The following DLG2 variants were observed in gnomAD, a reference collection of about 807,000 sequenced individuals.
The protein encoded by DLG2 is discs large MAGUK scaffold protein 2, also known as disks large homolog 2.
A neutral mutation model predicts 132.5 loss-of-function variants in DLG2; 45 were observed. The ratio of observed to expected loss-of-function variants is 0.34; its 90% CI spans 0.27 to 0.44. The LOEUF is 0.44. DLG2 is among the 20% of genes least tolerant of loss of function. DLG2 has a pLI of 1.00. For synonymous variants in DLG2, 424 were observed against 419.6 expected (o/e 1.01, Z -0.13); for missense variants, 1,045 against 1,196.9 (o/e 0.87, Z 1.87).
At chr11:83,507,691 A>T (rs1168699547) in intron 21 of DLG2, among the ~76,000 whole-genome samples, 3 of 144,042 alleles carry the variant, frequency 2.1e-5, no homozygotes, top group African/African-American at 7.6e-5. Flanking sequence ...TGATGGTGGC[A>T]CTAATCTCCA....
At chr11:83,780,900 T>C (rs1011355424) in intron 18 of DLG2, among the ~76,000 whole-genome samples, 6 of 152,088 alleles carry the variant, frequency 3.9e-5, no homozygotes, top group African/African-American at 1.4e-4. Flanking sequence ...AACCCAACAG[T>C]GACAAGTGAC....
intron 19 of DLG2, among the ~76,000 whole-genome samples, chr11:83,576,307 A>G (rs2096873094): frequency 6.6e-6 from 1 of 152,174 alleles, no homozygotes; most frequent in Admixed American, 6.6e-5. Context: ...ATAGACCTCT[A>G]ATTGGAGTTT....
At chr11:83,914,195 T>C (rs1283762764) in intron 15 of DLG2, among the ~76,000 whole-genome samples, 2 of 152,060 alleles carry the variant, frequency 1.3e-5, no homozygotes, top group African/African-American at 2.4e-5. Context: ...TGGGGTCATT[T>C]TTGGGAGACT....
chr11:84,426,958 C>G, intron 7 of DLG2, among the ~76,000 whole-genome samples: 1 of 152,054 alleles, frequency 6.6e-6, no homozygotes, highest in East Asian at 1.9e-4. Flanking sequence ...AAATAAAAAC[C>G]TAGAACTCTC....
Position 83,566,387 on chromosome 11 carries a change from C to A in DLG2, c.1941-24529G>T, listed in dbSNP as rs151119719. ...TCCCAATCACATTTTCACACTGGACCGACTAAGTCTTTTCCAGCAATTTCA... is the reference window on the plus strand; with the variant it reads ...TCCCAATCACATTTTCACACTGGACAGACTAAGTCTTTTCCAGCAATTTCA... On this transcript the variant is annotated intron_variant, in intron 19 of 27. Coordinates refer to ENST00000376104, the MANE Select transcript of DLG2 (RefSeq NM_001142699.3). 9.0e-4 allele frequency among the ~76,000 whole-genome samples: 137 copies of A among 152,212 alleles called. 1 individual carries two copies. The South Asian group carries it at 9.1e-3, about 10-fold the overall frequency.
chr11:84,413,841 T>G (rs991496141), intron 7 of DLG2, among the ~76,000 whole-genome samples: 1 of 152,174 alleles, frequency 6.6e-6, no homozygotes, highest in Non-Finnish European at 1.5e-5. Flanking sequence ...TTTTTTTTCT[T>G]CAGTATAATT....
intron 6 of DLG2, among the ~76,000 whole-genome samples, chr11:85,092,113 T>C (rs755456867): frequency 1.1e-4 from 17 of 152,240 alleles, no homozygotes; most frequent in Non-Finnish European, 2.2e-4. Flanking sequence ...GCAGAACAGA[T>C]ATTGCGTTAG....
rs370287195 is a variant in DLG2 at position 84,703,887 on chromosome 11, C to CGTGTGT, written c.358-169162_358-169157dup. ...ATATATATATATATATATATATACA[C>CGTGTGT]GTGTGTGTGTGTGTGTGTGTGTGTG... On this transcript the variant is annotated intron_variant, in intron 6 of 27. Coordinates refer to ENST00000376104, the MANE Select transcript of DLG2 (RefSeq NM_001142699.3). Among the ~76,000 whole-genome samples, 272 of 114,726 alleles carry CGTGTGT rather than the reference C, an allele frequency of 2.4e-3. 4 individuals carry two copies. Among genetic ancestry groups the CGTGTGT allele is most frequent in the African/African-American group, 9.3e-3 (256 of 27,584 alleles). The allele number at this position is 114,726 out of a possible 152,430, so 75.3% of individuals were successfully genotyped here.
At chr11:85,208,783 G>A (rs1297768125) in intron 4 of DLG2, among the ~76,000 whole-genome samples, 2 of 152,052 alleles carry the variant, frequency 1.3e-5, no homozygotes, top group Admixed American at 6.6e-5. Context: ...TTAGTAAGAG[G>A]TGAACCACAA....
At chr11:84,743,409 A>T (rs1453992503) in intron 6 of DLG2, among the ~76,000 whole-genome samples, 1 of 152,114 alleles carries the variant, frequency 6.6e-6, no homozygotes, top group Non-Finnish European at 1.5e-5. Context: ...GCAATTAATT[A>T]TTCCTATTTA....
chr11:84,816,836 T>C (rs1391228780), intron 6 of DLG2, among the ~76,000 whole-genome samples: 1 of 151,978 alleles, frequency 6.6e-6, no homozygotes, highest in African/African-American at 2.4e-5. Flanking sequence ...AGCAAAACTA[T>C]GTATAATGAA....
At chr11:84,499,015 C>G (rs1432967267) in intron 7 of DLG2, among the ~76,000 whole-genome samples, 1 of 152,030 alleles carries the variant, frequency 6.6e-6, no homozygotes, top group Non-Finnish European at 1.5e-5. Flanking sequence ...GCTTCTTAGC[C>G]CCAGGCTGCT....
intron 20 of DLG2, among the ~76,000 whole-genome samples, chr11:83,540,758 G>C (rs1421603883): frequency 6.6e-6 from 1 of 152,210 alleles, no homozygotes; most frequent in African/African-American, 2.4e-5. Flanking sequence ...GGTGTTTGGA[G>C]ATGAGGATCA....
At chr11:85,496,472 T>C (rs923830729) in intron 3 of DLG2, among the ~76,000 whole-genome samples, 18 of 152,190 alleles carry the variant, frequency 1.2e-4, no homozygotes, top group African/African-American at 3.9e-4. Flanking sequence ...CCTCTCTAGA[T>C]TCCACCTCTG....
intron 6 of DLG2, among the ~76,000 whole-genome samples, chr11:84,859,763 A>G (rs1246110327): frequency 6.6e-6 from 1 of 151,978 alleles, no homozygotes; most frequent in Non-Finnish European, 1.5e-5. Context: ...CCTCAGCACC[A>G]TATAATTTAA....
intron 6 of DLG2, among the ~76,000 whole-genome samples, chr11:84,749,472 T>C (rs756780645): frequency 6.6e-6 from 1 of 152,184 alleles, no homozygotes; most frequent in African/African-American, 2.4e-5. Context: ...TATGTATATA[T>C]GTTTAGGTAT....
chr11:83,990,781 G>A (rs2093662518), intron 11 of DLG2, among the ~76,000 whole-genome samples: 1 of 152,116 alleles, frequency 6.6e-6, no homozygotes, highest in South Asian at 2.1e-4. Context: ...AAGCATACTG[G>A]TCCTGTCAGA....
intron 7 of DLG2, among the ~76,000 whole-genome samples, chr11:84,415,261 G>C (rs2098925296): frequency 1.3e-5 from 2 of 152,306 alleles, no homozygotes; most frequent in Admixed American, 1.3e-4. Context: ...GTCATTGCAT[G>C]CACCTGCTAA....
At chr11:83,610,293 T>C (rs2059929077) in intron 19 of DLG2, among the ~76,000 whole-genome samples, 1 of 152,080 alleles carries the variant, frequency 6.6e-6, no homozygotes, top group Admixed American at 6.5e-5. Flanking sequence ...ATGGAAGTAA[T>C]TGGCACAAGG....
Sources: allele counts gnomAD v4.1 joint callset (sites outside exome capture counted in the v4.1 genomes callset), GRCh38; gene constraint gnomAD v4.1.1; transcripts MANE v1.5; gene names NCBI Gene and HGNC (gene_info 2026-07-23, HGNC 2026-07-21).